Variants in SSC5D observed in about 807,000 individuals in gnomAD.
The protein encoded by SSC5D is soluble scavenger receptor cysteine-rich domain-containing protein SSC5D.
SSC5D carries 106 observed loss-of-function variants against 104.6 expected under a neutral mutation model. The observed-to-expected ratio is 1.01, with a 90% CI of 0.87 to 1.19. The LOEUF (loss-of-function observed/expected upper bound fraction) is 1.19. Among genes scored for constraint, SSC5D ranks in the 50% most tolerant of loss-of-function variants. The pLI is 0.00. For synonymous variants in SSC5D, 860 were observed against 883.5 expected (o/e 0.97, Z 0.47); for missense variants, 1,993 against 2,153.8 (o/e 0.93, Z 1.48).
Position 55,513,151 on chromosome 19 carries a change from C to G in SSC5D, c.2926C>G (p.Leu976Val), listed in dbSNP as rs1987794932. 1.3e-6 allele frequency: 2 copies of G among 1,523,056 alleles called. No individual in the cohort carries two copies. Among genetic ancestry groups the G allele is most frequent in the Non-Finnish European group, 1.8e-6 (2 of 1,132,244 alleles). The allele number at this position is 1,523,056 out of a possible 1,614,324, so 94.3% of individuals were successfully genotyped here. ...CAGGAGCCCAGGCAGTCCTCCAACT[C>G]TGAGAGTCCATGGAGACACAGGTGA... ...TTRSPGSPPT[L>V]RVHGDTGSPR... The change falls in exon 13 of 14, where the codon CTG becomes GTG. Residue 976 changes from leucine (L) to valine (V), a missense_variant. Leu to Val is a conservative substitution (Grantham distance 32, BLOSUM62 1). Transcript: ENST00000389623.
rs1187056226 is a variant in SSC5D, at chr19:55,494,710, G to A, written c.1314G>A (p.Gln438=). ...ASRPPSTMTS[Q]APGTAGVSPP... ...GGCCCCCGTCCACCATGACGAGCCA[G>A]GCTCCAGGGACGGCAGGCGTTTCAC... Residue 438 remains glutamine, a synonymous_variant, in exon 8 of 14, where the codon CAG becomes CAA. Transcript: ENST00000389623. The A allele has an allele frequency of 6.4e-7, 1 of 1,550,426 alleles. No homozygotes were observed. The highest frequency in any genetic ancestry group is 2.4e-5 in the East Asian group (1 of 40,860).
chr19:55,512,199 CAAAA>C (rs56354207), intron 12 of SSC5D, among the ~76,000 whole-genome samples: 12 of 129,008 alleles, frequency 9.3e-5, no homozygotes, highest in Non-Finnish European at 8.2e-5. Context: ...GACTTGGTCT[CAAAA>C]AAAAAAAAAA....
chr19:55,510,652 T>G (rs1987737356), intron 12 of SSC5D, among the ~76,000 whole-genome samples: 1 of 151,462 alleles, frequency 6.6e-6, no homozygotes, highest in African/African-American at 2.4e-5. Context: ...CAGCTGAAAA[T>G]ATATCTTTAG....
intron 7 of SSC5D, 81 bp downstream of exon 7, chr19:55,493,993 G>GCT: frequency 4.0e-6 from 1 of 247,914 alleles, no homozygotes. Context: ...GGGGCGGGGG[G>GCT]GTCCCTACGC....
In SSC5D at chr19:55,500,649, G is replaced by A. The variant is rs1001647101; in HGVS notation, c.2462G>A (p.Arg821Gln). The A allele has an allele frequency of 8.4e-6, 13 of 1,551,636 alleles. No homozygotes were observed. Among genetic ancestry groups the A allele is most frequent in the African/African-American group, 1.4e-5 (1 of 73,050 alleles). The change falls in exon 11 of 14, where the codon CGA becomes CAA. Residue 821 changes from arginine to glutamine, a missense_variant. By Grantham distance (43) the Arg-to-Gln change is conservative. Transcript: ENST00000389623. The surrounding 1 kb of genome is among the most constrained non-coding windows in gnomAD (Gnocchi z 4.6). ...CTGGGCTGTGGAAAGGTCCGGCCTC[G>A]AGTAGGCAAAACCCATTACGGCCCT... ...WELGCGKVRPRVGKTHYGPGT... is the reference protein window; with the variant it reads ...WELGCGKVRPQVGKTHYGPGT...
At position 55,489,057 on chromosome 19, in the gene SSC5D, T is replaced by TGGGGGGGGGGGGGGGGGGG; in HGVS notation, c.52+26_52+27insGGGGGGGGGGGGGGGGGGG. The TGGGGGGGGGGGGGGGGGGG allele has an allele frequency of 4.0e-6, 5 of 1,247,960 alleles. No individual in the cohort carries two copies. In the East Asian group the frequency reaches 1.1e-4, roughly 27 times the overall value. The allele number at this position is 1,247,960 out of a possible 1,614,324, so 77.3% of individuals were successfully genotyped here. On this transcript the variant is annotated intron_variant, in intron 2 of 13. Coordinates refer to ENST00000389623, the MANE Select transcript of SSC5D (RefSeq NM_001144950.2). ...GGTAAGTGCCCAGACTCCTCCCATC[T>TGGGGGGGGGGGGGGGGGGG]GCCCGCCCCCCCCCCCAGGCCTCCC...
At position 55,499,885 on chromosome 19, in the gene SSC5D, G is replaced by A. The variant is rs777385099; in HGVS notation, c.1775G>A (p.Arg592Gln). 18 of 1,551,494 alleles carry A rather than the reference G, an allele frequency of 1.2e-5. No homozygotes were observed. The highest frequency in any genetic ancestry group is 8.3e-5 in the South Asian group (7 of 84,044). Reference protein sequence around the residue: ...WSWIPGLGRDRDAWLPGELAT... With the variant: ...WSWIPGLGRDQDAWLPGELAT... Reference sequence around the variant, plus strand: ...TGGATTCCTGGACTGGGGAGAGATCGGGATGCCTGGCTCCCGGGAGAGCTG... The same window carrying A: ...TGGATTCCTGGACTGGGGAGAGATCAGGATGCCTGGCTCCCGGGAGAGCTG... The change falls in exon 10 of 14, where the codon CGG (arginine) becomes CAG (glutamine). Residue 592 changes from arginine (R) to glutamine (Q), a missense_variant. Around this residue, in one of 6 missense-constraint regions of SSC5D, gnomAD observed 1,101 missense variants for 1,085.0 expected, o/e 1.01. Transcript: ENST00000389623.
intron 12 of SSC5D, among the ~76,000 whole-genome samples, chr19:55,507,665 C>CAAAAAAA (rs61340967): frequency 1.1e-4 from 8 of 75,946 alleles, no homozygotes; most frequent in African/African-American, 3.6e-4. Context: ...GACTCCGTCT[C>CAAAAAAA]AAAAAAAAAA....
In SSC5D at chr19:55,491,280, G is replaced by A. The variant is rs1057074985; in HGVS notation, c.895+200G>A. The A allele has an allele frequency of 2.8e-5, 18 of 642,176 alleles. No individual in the cohort carries two copies. In the South Asian group the frequency reaches 3.6e-4, roughly 13 times the overall value. 39.8% of individuals were successfully genotyped at this position (642,176 alleles called of 1,614,324 possible). On this transcript the variant is annotated intron_variant, in intron 6 of 13. Transcript: ENST00000389623. ...GTTCTCCTTGCCAGGAATGGGAGGA[G>A]CAGGCTTGAGGCTTGGGCTAGTGCT...
Position 55,500,801 on chromosome 19 carries a change from A to G in SSC5D, c.2614A>G (p.Thr872Ala), listed in dbSNP as rs928657408. ...DHEEDVGLTC[T>A]GYTDYDDYPP... The stretch of plus-strand genomic sequence containing the variant: ...CGAGGAAGACGTGGGGCTCACCTGC[A>G]CTGGTACCAGGGCATGGCGGCGGTG... The change falls in exon 11 of 14, where the codon ACT becomes GCT. Residue 872 changes from threonine (T) to alanine (A), a missense_variant. Physicochemically the swap from Thr to Ala is moderately conservative, Grantham distance 58. Around this residue, in one of 6 missense-constraint regions of SSC5D, gnomAD observed 423 missense variants for 409.2 expected, o/e 1.03. Coordinates refer to ENST00000389623, the MANE Select transcript of SSC5D (RefSeq NM_001144950.2). This position sits in a 1 kb window ranked among gnomAD's most constrained non-coding sequence, Gnocchi z 4.6. 2.6e-6 allele frequency: 4 copies of G among 1,547,026 alleles called. No individual in the cohort carries two copies. In the Admixed American group the frequency reaches 7.9e-5, roughly 30 times the overall value.
chr19:55,489,009 C>T lies in SSC5D; in HGVS notation c.29C>T (p.Ala10Val), dbSNP rs1444193750. The change falls in exon 2 of 14, where the codon GCC (alanine) becomes GTC (valine). Residue 10 changes from alanine (A) to valine (V), a missense_variant. Ala to Val is a moderately conservative substitution (Grantham distance 64). Coordinates refer to ENST00000389623, the MANE Select transcript of SSC5D (RefSeq NM_001144950.2). ...CACCCTCCGCCCTCCCTTCCAGCGG[C>T]CCTGGTGGGGATCCAGGCTGTTGGT... The part of the protein sequence containing the change: MRVLACLLA[A>V]LVGIQAVERL... 3 of 1,508,234 alleles carry T rather than the reference C, an allele frequency of 2.0e-6. No homozygotes were observed. Among genetic ancestry groups the T allele is most frequent in the Non-Finnish European group, 1.8e-6 (2 of 1,129,220 alleles). The allele number at this position is 1,508,234 out of a possible 1,614,324, so 93.4% of individuals were successfully genotyped here. A position where few individuals can be genotyped will look rare whatever the true frequency, so the allele number is the denominator to read the frequency against.
chr19:55,489,181 G>A, intron 2 of SSC5D, 149 bp downstream of exon 2: 2 of 979,500 alleles, frequency 2.0e-6, no homozygotes, highest in Non-Finnish European at 2.9e-6. Context: ...GAATCCCCCA[G>A]GTGTCTGGCC....
At position 55,493,620 on chromosome 19, in the gene SSC5D, C is replaced by T. The variant is rs965538249; in HGVS notation, c.921C>T (p.Ala307=). The T allele has an allele frequency of 2.9e-5, 43 of 1,475,374 alleles. 1 individual carries two copies. The Admixed American group carries it at 7.1e-4, about 24-fold the overall frequency. The allele number at this position is 1,475,374 out of a possible 1,614,324, so 91.4% of individuals were successfully genotyped here. A position where few individuals can be genotyped will look rare whatever the true frequency, so the allele number is the denominator to read the frequency against. The change falls in exon 7 of 14, where the codon GCC becomes GCT. Residue 307 remains alanine, a synonymous_variant. Transcript: ENST00000389623. ...GCCCAGCACCTCGGCTGCGCCTGGC[C>T]GATGGCCCCCACGGGTGCGCCGGCC... is the stretch of plus-strand genomic sequence containing the variant. ...CTGPAPRLRL[A]DGPHGCAGRL... is the part of the protein sequence containing the mutation.
At chr19:55,495,233 A>ATATATATATATATATATATATATATAATT (rs1555765051) in intron 8 of SSC5D, among the ~76,000 whole-genome samples, 5 of 50,662 alleles carry the variant, frequency 9.9e-5, no homozygotes, top group African/African-American at 4.9e-4. Context: ...ATATATATAT[A>ATATATATATATATATATATATATATAATT]TTTTTTTTTT....
chr19:55,489,524 T>G lies in SSC5D; in HGVS notation c.223T>G (p.Phe75Val). The change falls in exon 3 of 14, where the codon TTC becomes GTC. Residue 75 changes from phenylalanine (F) to valine (V), a missense_variant. Phe to Val is a conservative substitution (Grantham distance 50, BLOSUM62 -1). Around this residue, in one of 6 missense-constraint regions of SSC5D, gnomAD observed 1,101 missense variants for 1,085.0 expected, o/e 1.01. Transcript: ENST00000389623. ...ACTGGCCGCCCCGGGAGGCGCCTTCTTCGGGGAGGGGGCAGGGCCTGTGTG... is the reference window on the plus strand; with the variant it reads ...ACTGGCCGCCCCGGGAGGCGCCTTCGTCGGGGAGGGGGCAGGGCCTGTGTG... ...GALAAPGGAFFGEGAGPVWLS... is the reference protein window; with the variant it reads ...GALAAPGGAFVGEGAGPVWLS... 6.8e-7 allele frequency: 1 copy of G among 1,468,108 alleles called. No individual in the cohort carries two copies. Among genetic ancestry groups the G allele is most frequent in the Non-Finnish European group, 9.0e-7 (1 of 1,116,478 alleles). The allele number at this position is 1,468,108 out of a possible 1,614,324, so 90.9% of individuals were successfully genotyped here. A position where few individuals can be genotyped will look rare whatever the true frequency, so the allele number is the denominator to read the frequency against.
At position 55,488,506 on chromosome 19, in the gene SSC5D, C is replaced by CGTTGGGGGG; in HGVS notation, c.-84_-83insGTTGGGGGG. On this transcript the variant is annotated 5_prime_UTR_variant, in exon 1 of 14. Transcript: ENST00000389623. ...GGCGCCTCCAGCAGGCACTTCCCTCCCTCCCTCTCTCCCCAGCTGCCTCCT... is the reference window on the plus strand; with the variant it reads ...GGCGCCTCCAGCAGGCACTTCCCTCCGTTGGGGGGCTCCCTCTCTCCCCAGCTGCCTCCT... The CGTTGGGGGG allele has an allele frequency of 7.7e-7, 1 of 1,293,326 alleles. No homozygotes were observed. The highest frequency in any genetic ancestry group is 1.1e-6 in the Non-Finnish European group (1 of 915,942). 80.1% of individuals were successfully genotyped at this position (1,293,326 alleles called of 1,614,324 possible).
chr19:55,500,606 A>T lies in SSC5D; in HGVS notation c.2419A>T (p.Thr807Ser). The T allele has an allele frequency of 1.9e-6, 3 of 1,551,756 alleles. No homozygotes were observed. Among genetic ancestry groups the T allele is most frequent in the Non-Finnish European group, 2.6e-6 (3 of 1,146,998 alleles). The change falls in exon 11 of 14, where the codon ACT (threonine) becomes TCT (serine). Residue 807 changes from threonine (T) to serine (S), a missense_variant. This residue lies in a region of SSC5D where 70 missense variants were observed against 107.1 expected (regional missense o/e 0.65). Coordinates refer to ENST00000389623, the MANE Select transcript of SSC5D (RefSeq NM_001144950.2). This position sits in a 1 kb window ranked among gnomAD's most constrained non-coding sequence, Gnocchi z 4.6. Reference protein sequence around the residue: ...CDDNWDLRDATVACWELGCGK... With the variant: ...CDDNWDLRDASVACWELGCGK... ...TGACAACTGGGACCTGCGGGACGCC[A>T]CTGTGGCCTGCTGGGAACTGGGCTG...
rs74361326 is a variant in SSC5D at position 55,503,242 on chromosome 19, G to A, written c.2785+2041G>A. On this transcript the variant is annotated intron_variant, in intron 12 of 13. Coordinates refer to ENST00000389623, the MANE Select transcript of SSC5D (RefSeq NM_001144950.2). The surrounding 1 kb of genome is among the most constrained non-coding windows in gnomAD (Gnocchi z 4.0). ...AGGCGGGAGCCACTGGGCCCAAACTGTTTCTGTATCTTCCGTCCTCTTGTC... is the reference window on the plus strand; with the variant it reads ...AGGCGGGAGCCACTGGGCCCAAACTATTTCTGTATCTTCCGTCCTCTTGTC... Among the ~76,000 whole-genome samples the A allele has an allele frequency of 6.2e-3, 942 of 152,236 alleles. 13 individuals carry two copies. Among genetic ancestry groups the A allele is most frequent in the African/African-American group, 0.021 (891 of 41,530 alleles).
rs1313478865 is a variant in SSC5D at position 55,493,850 on chromosome 19, C to T, written c.1151C>T (p.Pro384Leu). 2 of 1,549,354 alleles carry T rather than the reference C, an allele frequency of 1.3e-6. No individual in the cohort carries two copies. The highest frequency in any genetic ancestry group is 2.4e-5 in the East Asian group (1 of 40,892). ...RGNETALRFC[P>L]ARPWGQHDCH... Reference sequence around the variant, plus strand: ...AACGAGACGGCCTTACGATTCTGCCCAGCTCGGCCCTGGGGCCAGCATGAC... The same window carrying T: ...AACGAGACGGCCTTACGATTCTGCCTAGCTCGGCCCTGGGGCCAGCATGAC... Residue 384 changes from proline to leucine, a missense_variant, in exon 7 of 14, where the codon CCA becomes CTA. Physicochemically the swap from Pro to Leu is moderately conservative, Grantham distance 98 (BLOSUM62 -3). Transcript: ENST00000389623.
Sources: gnomAD v4.1 joint callset for allele counts (sites outside exome capture counted in the v4.1 genomes callset) on GRCh38, gnomAD v4.1.1 for gene constraint, gnomAD v4.1.1 regional missense constraint, Gnocchi (gnomAD v3.1) non-coding constraint, MANE v1.5 for transcripts, NCBI Gene and HGNC (gene_info 2026-07-23, HGNC 2026-07-21) for gene names.